CFAP97D2: variants seen among roughly 807,000 people sequenced by gnomAD.
CFAP97D2 encodes uncharacterized protein CFAP97D2.
chr13:114,211,348 G>A lies in CFAP97D2; in HGVS notation c.291-564G>A, dbSNP rs1160089256. The stretch of plus-strand genomic sequence containing the variant: ...AGTCCAGCCCCAGCCTGTCCACAGG[G>A]GTCTTTCTCAAGTGCCTGCGGAGTC... On this transcript the variant is annotated intron_variant, in intron 3 of 4. Transcript: ENST00000646158. The surrounding 1 kb of genome is among the most constrained non-coding windows in gnomAD (Gnocchi z 4.2). Among the ~76,000 whole-genome samples the A allele has an allele frequency of 2.0e-5, 3 of 152,052 alleles. No individual in the cohort carries two copies. The highest frequency in any genetic ancestry group is 4.4e-5 in the Non-Finnish European group (3 of 68,004).
chr13:114,202,068 G>A (rs1021390638), intron 3 of CFAP97D2, among the ~76,000 whole-genome samples: 1 of 152,180 alleles, frequency 6.6e-6, no homozygotes, highest in Non-Finnish European at 1.5e-5. Context: ...CCCTATGGGT[G>A]CCTTTGCACT....
At chr13:114,182,475 AG>A (rs1352449440) in intron 1 of CFAP97D2, among the ~76,000 whole-genome samples, 5 of 151,886 alleles carry the variant, frequency 3.3e-5, no homozygotes, top group African/African-American at 4.8e-5. Flanking sequence ...AATCCACCTC[AG>A]CACAGACCCT....
At chr13:114,184,093 G>A (rs973290424) in intron 1 of CFAP97D2, among the ~76,000 whole-genome samples, 3 of 152,174 alleles carry the variant, frequency 2.0e-5, no homozygotes, top group African/African-American at 4.8e-5. Context: ...TGAGGCTGCA[G>A]GGAGCCATGA....
In CFAP97D2 at chr13:114,190,406, T is replaced by C. The variant is rs550996147; in HGVS notation, c.91-5990T>C. ...GATCATCTATGTAGAAAATACCAAA[T>C]AATCAATAAAAAGACATGTGGAAGG... On this transcript the variant is annotated intron_variant, in intron 1 of 4. Coordinates refer to ENST00000646158, the Ensembl canonical transcript of CFAP97D2. Among the ~76,000 whole-genome samples the C allele has an allele frequency of 4.1e-4, 62 of 151,638 alleles. No homozygotes were observed. The East Asian group carries it at 0.012, about 29-fold the overall frequency.
chr13:114,211,826 C>G lies in CFAP97D2; in HGVS notation c.291-86C>G, dbSNP rs189432561. The G allele has an allele frequency of 2.5e-6, 1 of 397,858 alleles. No individual in the cohort carries two copies. The highest frequency in any genetic ancestry group is 3.6e-5 in the East Asian group (1 of 28,092). 24.6% of individuals were successfully genotyped at this position (397,858 alleles called of 1,614,324 possible). Reference sequence around the variant, plus strand: ...GCAACCCTCCACCCCGGGACCCCTTCCTGCTCTGGAGCCTGTTGGCCCTGT... The same window carrying G: ...GCAACCCTCCACCCCGGGACCCCTTGCTGCTCTGGAGCCTGTTGGCCCTGT... On this transcript the variant is annotated intron_variant, in intron 3 of 4. Coordinates refer to ENST00000646158, the Ensembl canonical transcript of CFAP97D2. The surrounding 1 kb of genome is among the most constrained non-coding windows in gnomAD (Gnocchi z 4.2).
intron 1 of CFAP97D2, among the ~76,000 whole-genome samples, chr13:114,184,556 A>G (rs1246342482): frequency 6.6e-6 from 1 of 152,248 alleles, no homozygotes; most frequent in Non-Finnish European, 1.5e-5. Context: ...CCAGCCGGTA[A>G]CCAGGAAAAA....
At chr13:114,182,481 G>A (rs900929415) in intron 1 of CFAP97D2, among the ~76,000 whole-genome samples, 3 of 151,782 alleles carry the variant, frequency 2.0e-5, no homozygotes, top group African/African-American at 4.9e-5. Flanking sequence ...CCTCAGCACA[G>A]ACCCTTTACC....
rs2080826208 is a variant in CFAP97D2 at position 114,179,841 on chromosome 13, G to T, written c.90+421G>T. Reference sequence around the variant, plus strand: ...GTTTTTGAGAGGGATGTTGCCATAGGGGTGTTGCCATGTTGGTCAGGCTAG... The same window carrying T: ...GTTTTTGAGAGGGATGTTGCCATAGTGGTGTTGCCATGTTGGTCAGGCTAG... On this transcript the variant is annotated intron_variant, in intron 1 of 4. Coordinates refer to ENST00000646158, the Ensembl canonical transcript of CFAP97D2. This position sits in a 1 kb window ranked among gnomAD's most constrained non-coding sequence, Gnocchi z 4.8. Among the ~76,000 whole-genome samples, 1 of 151,914 alleles carries T rather than the reference G, an allele frequency of 6.6e-6. No homozygotes were observed. The highest frequency in any genetic ancestry group is 1.5e-5 in the Non-Finnish European group (1 of 67,964).
intron 4 of CFAP97D2, among the ~76,000 whole-genome samples, chr13:114,218,760 A>G (rs949087499): frequency 2.6e-5 from 4 of 152,240 alleles, no homozygotes; most frequent in African/African-American, 4.8e-5. Flanking sequence ...AAACCTGACA[A>G]AAACAAGAAA....
At chr13:114,197,422 G>A (rs1207215124) in intron 2 of CFAP97D2, among the ~76,000 whole-genome samples, 5 of 152,184 alleles carry the variant, frequency 3.3e-5, no homozygotes, top group Non-Finnish European at 5.9e-5. Flanking sequence ...AATGAGGCAT[G>A]TCCAACCCCA....
intron 1 of CFAP97D2, among the ~76,000 whole-genome samples, chr13:114,190,529 T>C (rs547879144): frequency 2.0e-5 from 3 of 152,312 alleles, no homozygotes; most frequent in Admixed American, 6.5e-5. Flanking sequence ...ATTAAAAACA[T>C]GATAACAATT....
intron 4 of CFAP97D2, among the ~76,000 whole-genome samples, chr13:114,217,048 T>G (rs796895482): frequency 5.9e-5 from 9 of 152,338 alleles, no homozygotes; most frequent in African/African-American, 2.2e-4. Flanking sequence ...CCAGTGATGG[T>G]GAGCATTTTT....
At chr13:114,205,665 G>A (rs1409297891) in intron 3 of CFAP97D2, among the ~76,000 whole-genome samples, 1 of 152,204 alleles carries the variant, frequency 6.6e-6, no homozygotes, top group Non-Finnish European at 1.5e-5. Context: ...CTCTCTGAGT[G>A]ACACCCCAGG....
chr13:114,214,791 G>A (rs1042705314), intron 4 of CFAP97D2, among the ~76,000 whole-genome samples: 9 of 152,078 alleles, frequency 5.9e-5, no homozygotes, highest in Non-Finnish European at 8.8e-5. Context: ...CCTACTCTAC[G>A]TAGTTTTCTG....
At chr13:114,198,849 T>G (rs1384080416) in intron 2 of CFAP97D2, among the ~76,000 whole-genome samples, 57 of 47,516 alleles carry the variant, frequency 1.2e-3, no homozygotes, top group Admixed American at 2.1e-3. Context: ...CGTCCCCGTG[T>G]GTACGGTCCC....
At chr13:114,197,381 T>C (rs1027322289) in intron 2 of CFAP97D2, among the ~76,000 whole-genome samples, 4 of 152,230 alleles carry the variant, frequency 2.6e-5, no homozygotes, top group African/African-American at 9.6e-5. Context: ...TGCTGGTCAG[T>C]TGTGCCTAAA....
Position 114,222,053 on chromosome 13 carries a change from G to A in CFAP97D2, c.481-445G>A, listed in dbSNP as rs2081024638. ...AAAGGAATGATACTAGTTACAGAAT[G>A]GATAAACCTTAAAGACATTATTATG... On this transcript the variant is annotated intron_variant, in intron 4 of 4. Coordinates refer to ENST00000646158, the Ensembl canonical transcript of CFAP97D2. The surrounding 1 kb of genome is among the most constrained non-coding windows in gnomAD (Gnocchi z 4.4). Among the ~76,000 whole-genome samples, 1 of 152,196 alleles carries A rather than the reference G, an allele frequency of 6.6e-6. No homozygotes were observed. Among genetic ancestry groups the A allele is most frequent in the East Asian group, 1.9e-4 (1 of 5,202 alleles).
chr13:114,213,912 C>T (rs1443059316), intron 4 of CFAP97D2, among the ~76,000 whole-genome samples: 3 of 138,268 alleles, frequency 2.2e-5, no homozygotes, highest in East Asian at 4.6e-4. Flanking sequence ...ACAAACCCCA[C>T]CCCTGGACAA....
chr13:114,184,042 T>C (rs945426168), intron 1 of CFAP97D2, among the ~76,000 whole-genome samples: 1 of 152,122 alleles, frequency 6.6e-6, no homozygotes, highest in Admixed American at 6.5e-5. Flanking sequence ...TCCCAGCTAC[T>C]TGGGAGGCTG....
Sources: gnomAD v4.1 joint callset for allele counts (sites outside exome capture counted in the v4.1 genomes callset) on GRCh38, gnomAD v4.1.1 for gene constraint, Gnocchi (gnomAD v3.1) non-coding constraint, MANE v1.5 for transcripts, NCBI Gene and HGNC (gene_info 2026-07-23, HGNC 2026-07-21) for gene names.